LRRTM4: variants seen among roughly 807,000 people sequenced by gnomAD.
The protein encoded by LRRTM4 is leucine-rich repeat transmembrane neuronal protein 4.
A neutral mutation model predicts 47.6 loss-of-function variants in LRRTM4; 25 were observed. The observed-to-expected ratio is 0.53, with a 90% CI of 0.38 to 0.73. LRRTM4 has a LOEUF of 0.73. LRRTM4 is among the 30% of genes least tolerant of loss of function. The pLI, the probability that LRRTM4 is intolerant of heterozygous loss-of-function variation, is 0.00. For synonymous variants in LRRTM4, 311 were observed against 269.5 expected, an observed-to-expected ratio of 1.15 and a Z score of -1.51; for missense variants, 638 against 713.4, an observed-to-expected ratio of 0.89 and a Z score of 1.20.
At chr2:77,511,916 G>A (rs919031408) in intron 3 of LRRTM4, among the ~76,000 whole-genome samples, 23 of 152,120 alleles carry the variant, frequency 1.5e-4, no homozygotes, top group African/African-American at 5.1e-4. Flanking sequence ...CAAACCTTAC[G>A]TAAGTAAACT....
In LRRTM4 at chr2:77,071,711, A is replaced by G. The variant is rs148153176; in HGVS notation, c.1552-322795T>C. ...CAAATCTAAATTGTTTTCTTGTTTAATAACAACCAACTAAAGAATTTGTTC... is the reference window on the plus strand; with the variant it reads ...CAAATCTAAATTGTTTTCTTGTTTAGTAACAACCAACTAAAGAATTTGTTC... On this transcript the variant is annotated intron_variant, in intron 3 of 3. Coordinates refer to ENST00000409884, the MANE Select transcript of LRRTM4 (RefSeq NM_001134745.3). Among the ~76,000 whole-genome samples, 885 of 152,354 alleles carry G rather than the reference A, an allele frequency of 5.8e-3. 2 individuals are homozygous for G. The highest frequency in any genetic ancestry group is 9.4e-3 in the Non-Finnish European group (640 of 68,030).
chr2:76,829,206 A>C (rs910536161), intron 3 of LRRTM4, among the ~76,000 whole-genome samples: 1 of 151,952 alleles, frequency 6.6e-6, no homozygotes, highest in African/African-American at 2.4e-5. Flanking sequence ...ATAACCCAAG[A>C]GCAACTGTTG....
At chr2:77,268,942 C>T (rs896435219) in intron 3 of LRRTM4, among the ~76,000 whole-genome samples, 5 of 152,144 alleles carry the variant, frequency 3.3e-5, no homozygotes, top group East Asian at 1.9e-4. Context: ...ATAAGCTCCA[C>T]GGCAGGGCCC....
intron 3 of LRRTM4, among the ~76,000 whole-genome samples, chr2:76,998,495 C>T (rs1677285425): frequency 6.6e-6 from 1 of 151,976 alleles, no homozygotes; most frequent in African/African-American, 2.4e-5. Flanking sequence ...CACCACCCCT[C>T]CCCAACACAC....
At chr2:77,096,536 A>T (rs1194277870) in intron 3 of LRRTM4, among the ~76,000 whole-genome samples, 6 of 151,598 alleles carry the variant, frequency 4.0e-5, no homozygotes, top group African/African-American at 1.4e-4. Context: ...TCTATATTAA[A>T]AGTCGAGAAT....
At chr2:77,255,341 T>C (rs1675735740) in intron 3 of LRRTM4, among the ~76,000 whole-genome samples, 1 of 151,968 alleles carries the variant, frequency 6.6e-6, no homozygotes, top group Non-Finnish European at 1.5e-5. Flanking sequence ...CACTCCCATC[T>C]CTCAAGCAGT....
intron 3 of LRRTM4, among the ~76,000 whole-genome samples, chr2:77,207,747 G>A (rs1674178866): frequency 6.6e-6 from 1 of 150,448 alleles, no homozygotes; most frequent in Admixed American, 6.7e-5. Context: ...TGTATGATAT[G>A]TTCCATCACT....
In LRRTM4 at chr2:76,771,449, G is replaced by A. The variant is rs934336757; in HGVS notation, c.1552-22533C>T. 2.6e-5 allele frequency among the ~76,000 whole-genome samples: 4 copies of A among 152,252 alleles called. 1 individual carries two copies. The highest frequency in any genetic ancestry group is 6.8e-3 in the Middle Eastern group (2 of 294). On this transcript the variant is annotated intron_variant, in intron 3 of 3. Transcript: ENST00000409884. ...GACCTTGTTTGTAAGAATGAGGAAT[G>A]GAGGTGAGGTGGGACAGTAGCAAGG... is the stretch of plus-strand genomic sequence containing the variant.
intron 3 of LRRTM4, among the ~76,000 whole-genome samples, chr2:76,794,044 A>C (rs1165494384): frequency 6.6e-6 from 1 of 152,282 alleles, no homozygotes; most frequent in Non-Finnish European, 1.5e-5. Flanking sequence ...TGGGCTAGGG[A>C]AGTCCAACCA....
chr2:76,916,522 A>G (rs1001552457), intron 3 of LRRTM4, among the ~76,000 whole-genome samples: 38 of 152,250 alleles, frequency 2.5e-4, no homozygotes, highest in African/African-American at 9.1e-4. Flanking sequence ...AAATACTTGA[A>G]AGGCACTGGT....
intron 3 of LRRTM4, among the ~76,000 whole-genome samples, chr2:76,794,726 T>A (rs1190243982): frequency 1.3e-5 from 2 of 151,920 alleles, no homozygotes; most frequent in African/African-American, 4.9e-5. Context: ...TGGCTAATTC[T>A]TTGCTATGGT....
chr2:77,308,237 T>C (rs1007109631), intron 3 of LRRTM4, among the ~76,000 whole-genome samples: 17 of 151,248 alleles, frequency 1.1e-4, no homozygotes, highest in Non-Finnish European at 2.1e-4. Context: ...GATTTATCGT[T>C]AATAAAATGA....
intron 3 of LRRTM4, among the ~76,000 whole-genome samples, chr2:76,806,383 A>G (rs1675968477): frequency 6.6e-6 from 1 of 152,098 alleles, no homozygotes; most frequent in Admixed American, 6.6e-5. Flanking sequence ...GGAGTTCGAG[A>G]CCAGCCTAAC....
rs185193811 is a variant in LRRTM4, at chr2:77,463,845, G to A, written c.1551+54473C>T. On this transcript the variant is annotated intron_variant, in intron 3 of 3. Coordinates refer to ENST00000409884, the MANE Select transcript of LRRTM4 (RefSeq NM_001134745.3). ...TCCTCTGTACACCACATGGCGGGTGGCAGTGTACAGTGTACAATGTTAAGA... is the reference window on the plus strand; with the variant it reads ...TCCTCTGTACACCACATGGCGGGTGACAGTGTACAGTGTACAATGTTAAGA... Among the ~76,000 whole-genome samples the A allele has an allele frequency of 5.3e-4, 81 of 152,232 alleles. No homozygotes were observed. The East Asian group carries it at 0.015, about 28-fold the overall frequency.
At chr2:77,208,729 A>C (rs1674210357) in intron 3 of LRRTM4, among the ~76,000 whole-genome samples, 1 of 152,164 alleles carries the variant, frequency 6.6e-6, no homozygotes, top group South Asian at 2.1e-4. Flanking sequence ...CCAGAGGTTT[A>C]GACTAGAAAA....
At chr2:77,307,886 G>A in intron 3 of LRRTM4, among the ~76,000 whole-genome samples, 3 of 37,934 alleles carry the variant, frequency 7.9e-5, no homozygotes, top group Non-Finnish European at 1.1e-4. Flanking sequence ...TAAATATATA[G>A]ATATATCTAT....
chr2:76,797,695 A>C (rs1482605200), intron 3 of LRRTM4, among the ~76,000 whole-genome samples: 1 of 151,470 alleles, frequency 6.6e-6, no homozygotes. Context: ...GTCAAGACCC[A>C]TCAGTGTGCT....
intron 3 of LRRTM4, among the ~76,000 whole-genome samples, chr2:77,124,403 C>A (rs555214240): frequency 2.0e-5 from 3 of 152,130 alleles, no homozygotes; most frequent in African/African-American, 7.2e-5. Context: ...ACAGACAAAG[C>A]GGTATTTTAG....
At chr2:77,344,161 C>T (rs1279140629) in intron 3 of LRRTM4, among the ~76,000 whole-genome samples, 3 of 151,704 alleles carry the variant, frequency 2.0e-5, no homozygotes, top group African/African-American at 7.3e-5. Context: ...ATAATATTAA[C>T]ATATTCAAGA....
Sources: allele counts gnomAD v4.1 joint callset (sites outside exome capture counted in the v4.1 genomes callset), GRCh38; gene constraint gnomAD v4.1.1; transcripts MANE v1.5; gene names NCBI Gene and HGNC (gene_info 2026-07-23, HGNC 2026-07-21).